DNM3: variants seen among roughly 807,000 people sequenced by gnomAD.
The protein encoded by DNM3 is dynamin 3, also known as dynamin-3.
DNM3 carries 47 observed loss-of-function variants against 101.6 expected under a neutral mutation model. That is an observed-to-expected ratio of 0.46 (90% confidence interval 0.37 to 0.59). The LOEUF is 0.59. Ranked by LOEUF, DNM3 falls within the 20% of genes least tolerant of loss-of-function variation. The pLI is 0.00. For missense variants in DNM3, 849 were observed against 1,085.7 expected (o/e 0.78, Z 3.06); for synonymous variants, 385 against 387.9 (o/e 0.99, Z 0.09).
At chr1:172,274,075 G>T (rs971779306) in intron 15 of DNM3, among the ~76,000 whole-genome samples, 6 of 152,036 alleles carry the variant, frequency 3.9e-5, no homozygotes, top group Admixed American at 2.6e-4. Flanking sequence ...CTGTCGTAAA[G>T]CAGATGGTAA....
chr1:172,388,837 G>C, intron 20 of DNM3, 28 bp downstream of exon 20: 1 of 1,513,676 alleles, frequency 6.6e-7, no homozygotes, highest in Non-Finnish European at 9.0e-7. Flanking sequence ...AATTGGGGGG[G>C]TAGTGCGCCT....
chr1:172,071,986 G>A (rs1262131494), intron 11 of DNM3, among the ~76,000 whole-genome samples: 1 of 152,152 alleles, frequency 6.6e-6, no homozygotes, highest in African/African-American at 2.4e-5. Context: ...AATGAGAACA[G>A]CCATAGCTTT....
At chr1:172,371,978 A>G (rs2068356788) in intron 17 of DNM3, among the ~76,000 whole-genome samples, 2 of 147,360 alleles carry the variant, frequency 1.4e-5, no homozygotes, top group South Asian at 4.3e-4. Context: ...GGTTAGTTAC[A>G]TACGTATACA....
chr1:172,099,766 A>G (rs2054503660), intron 13 of DNM3, among the ~76,000 whole-genome samples: 1 of 152,232 alleles, frequency 6.6e-6, no homozygotes, highest in South Asian at 2.1e-4. Context: ...TGCCACCTGA[A>G]AGTCAGAGAT....
At chr1:171,843,408 C>T (rs1008160003) in intron 1 of DNM3, among the ~76,000 whole-genome samples, 9 of 152,170 alleles carry the variant, frequency 5.9e-5, no homozygotes, top group South Asian at 2.1e-4. Flanking sequence ...ATGAAATTTA[C>T]GAGATATAAA....
At chr1:172,209,223 C>T (rs922141325) in intron 14 of DNM3, among the ~76,000 whole-genome samples, 5 of 151,930 alleles carry the variant, frequency 3.3e-5, no homozygotes, top group African/African-American at 1.2e-4. Context: ...AGGAAAAACC[C>T]TGTGAGGGCA....
In DNM3 at chr1:172,297,075, G is replaced by A. The variant is rs1417236903; in HGVS notation, c.1770-11653G>A. 6.6e-5 allele frequency among the ~76,000 whole-genome samples: 10 copies of A among 151,224 alleles called. 1 individual carries two copies. The South Asian group carries it at 1.7e-3, about 25-fold the overall frequency. On this transcript the variant is annotated intron_variant, in intron 15 of 20. Coordinates refer to ENST00000627582, the MANE Select transcript of DNM3 (RefSeq NM_015569.5). ...GGAGAATCGCTTGAACCTGGGAGGC[G>A]GAGGCTCCAGTGAGCCAAGATCATG...
intron 17 of DNM3, 43 bp from the exon 18 acceptor site, chr1:172,378,975 A>C: frequency 6.3e-7 from 1 of 1,577,934 alleles, no homozygotes; most frequent in Non-Finnish European, 8.6e-7. Flanking sequence ...TTTTCTTCTG[A>C]GTGAATATGA....
chr1:172,399,033 C>G (rs1297354677), intron 20 of DNM3, among the ~76,000 whole-genome samples: 1 of 152,134 alleles, frequency 6.6e-6, no homozygotes, highest in Non-Finnish European at 1.5e-5. Context: ...AAAGGCTTAC[C>G]CTAAAAATCC....
At chr1:172,167,120 C>G (rs1296286069) in intron 14 of DNM3, among the ~76,000 whole-genome samples, 1 of 151,992 alleles carries the variant, frequency 6.6e-6, no homozygotes, top group Admixed American at 6.6e-5. Context: ...CACCCTGTGT[C>G]CAAGTGTTCT....
At chr1:171,877,181 C>A (rs2035860902) in intron 1 of DNM3, among the ~76,000 whole-genome samples, 1 of 151,956 alleles carries the variant, frequency 6.6e-6, no homozygotes, top group Non-Finnish European at 1.5e-5. Context: ...TTTTAGCCAT[C>A]CTCCCCTCCC....
intron 1 of DNM3, among the ~76,000 whole-genome samples, chr1:171,919,530 C>T (rs1257781987): frequency 5.3e-5 from 8 of 152,166 alleles, no homozygotes; most frequent in Non-Finnish European, 1.2e-4. Context: ...TGCCCTCCAG[C>T]TCTTTACTCT....
chr1:172,010,773 A>G (rs903524299), intron 4 of DNM3, among the ~76,000 whole-genome samples: 1 of 146,268 alleles, frequency 6.8e-6, no homozygotes, highest in African/African-American at 2.5e-5. Flanking sequence ...GTTTTCATCA[A>G]TTATTTTTTC....
At chr1:172,227,133 C>T (rs1479675701) in intron 14 of DNM3, among the ~76,000 whole-genome samples, 1 of 151,634 alleles carries the variant, frequency 6.6e-6, no homozygotes, top group Non-Finnish European at 1.5e-5. Flanking sequence ...ACTTAGCTCT[C>T]ACTTACAAGT....
intron 2 of DNM3, among the ~76,000 whole-genome samples, chr1:171,944,591 T>C (rs755427259): frequency 9.9e-5 from 15 of 151,812 alleles, no homozygotes; most frequent in Non-Finnish European, 2.1e-4. Context: ...CACAGGCTGG[T>C]ATCAAACTCC....
chr1:172,038,271 GTA>G, intron 6 of DNM3, 46 bp from the exon 7 acceptor site: 1 of 1,606,838 alleles, frequency 6.2e-7, no homozygotes, highest in East Asian at 2.2e-5. Flanking sequence ...TTTAATCTGT[GTA>G]TATGATTCAA....
chr1:172,190,194 G>A (rs148439531), intron 14 of DNM3, among the ~76,000 whole-genome samples: 21 of 152,046 alleles, frequency 1.4e-4, no homozygotes, highest in Non-Finnish European at 2.5e-4. Context: ...CCCAGTGTGT[G>A]ATGTTCCCCA....
intron 2 of DNM3, among the ~76,000 whole-genome samples, chr1:171,942,049 A>G (rs551232300): frequency 1.3e-5 from 2 of 152,086 alleles, no homozygotes; most frequent in East Asian, 1.9e-4. Context: ...TTTTTTGTTC[A>G]TATGTTTGAA....
At chr1:171,938,982 C>T (rs182309627) in intron 2 of DNM3, among the ~76,000 whole-genome samples, 64 of 152,266 alleles carry the variant, frequency 4.2e-4, no homozygotes, top group Admixed American at 2.3e-3. Flanking sequence ...TGGGATACCA[C>T]TGTGAATTGC....
Sources: allele counts gnomAD v4.1 joint callset (sites outside exome capture counted in the v4.1 genomes callset), GRCh38; gene constraint gnomAD v4.1.1; transcripts MANE v1.5; gene names NCBI Gene and HGNC (gene_info 2026-07-23, HGNC 2026-07-21).